ATG10: variants seen among roughly 807,000 people sequenced by gnomAD.
ATG10 encodes the protein ubiquitin-like-conjugating enzyme ATG10.
ATG10 carries 30 observed loss-of-function variants against 32.1 expected under a neutral mutation model. The ratio of observed to expected loss-of-function variants is 0.94; its 90% CI spans 0.70 to 1.27. The LOEUF (loss-of-function observed/expected upper bound fraction) is 1.27, where lower values mean the gene tolerates loss of function less well. Among genes scored for constraint, ATG10 ranks in the 50% most tolerant of loss-of-function variants. The probability of loss-of-function intolerance (pLI) is 0.00; values close to 1 mark genes in which losing one functional copy is unlikely to be tolerated. For missense variants in ATG10, 233 were observed against 262.3 expected (o/e 0.89, Z 0.77); for synonymous variants, 87 against 91.5 (o/e 0.95, Z 0.28).
chr5:82,116,956 C>G (rs1181145599), intron 3 of ATG10, among the ~76,000 whole-genome samples: 1 of 152,048 alleles, frequency 6.6e-6, no homozygotes, highest in Non-Finnish European at 1.5e-5. Context: ...ATCCTGTACC[C>G]AAACTATTCT....
intron 3 of ATG10, among the ~76,000 whole-genome samples, chr5:82,088,610 C>T (rs529563960): frequency 6.6e-6 from 1 of 152,170 alleles, no homozygotes; most frequent in Admixed American, 6.5e-5. Context: ...ATCCTAGTCC[C>T]AGCCCTGGAG....
chr5:82,124,066 T>G (rs945426640), intron 3 of ATG10, among the ~76,000 whole-genome samples: 1 of 150,030 alleles, frequency 6.7e-6, no homozygotes, highest in Non-Finnish European at 1.5e-5. Flanking sequence ...TCCACTTATA[T>G]TCCATGGATT....
chr5:82,203,651 G>A (rs1020202180), intron 5 of ATG10, among the ~76,000 whole-genome samples: 7 of 152,012 alleles, frequency 4.6e-5, no homozygotes, highest in Admixed American at 2.0e-4. Context: ...TAAGCCAGGG[G>A]AGTTTAATCT....
chr5:82,075,173 CAGAA>C (rs1764237049), intron 3 of ATG10, among the ~76,000 whole-genome samples: 1 of 152,122 alleles, frequency 6.6e-6, no homozygotes, highest in Admixed American at 6.6e-5. Context: ...CTCTTCGTTA[CAGAA>C]AGAGAGAGAG....
intron 3 of ATG10, among the ~76,000 whole-genome samples, chr5:82,116,040 AG>A (rs1765800162): frequency 6.6e-6 from 1 of 152,124 alleles, no homozygotes; most frequent in Non-Finnish European, 1.5e-5. Context: ...ATACATTTCA[AG>A]GGCAATTTAG....
At chr5:82,090,610 G>A (rs781350877) in intron 3 of ATG10, among the ~76,000 whole-genome samples, 13 of 152,162 alleles carry the variant, frequency 8.5e-5, no homozygotes, top group African/African-American at 2.4e-4. Flanking sequence ...GTGGGGATAG[G>A]AGGGTGGTGG....
At chr5:82,075,312 A>G (rs1203067882) in intron 3 of ATG10, among the ~76,000 whole-genome samples, 1 of 152,196 alleles carries the variant, frequency 6.6e-6, no homozygotes. Context: ...GTTAGACCAG[A>G]GTGTTTTCAG....
intron 6 of ATG10, 143 bp downstream of exon 6, chr5:82,252,802 G>A: frequency 5.0e-6 from 3 of 597,818 alleles, no homozygotes; most frequent in South Asian, 2.3e-5. Flanking sequence ...TATGCTAGAT[G>A]CTGTTCTAAG....
At chr5:82,169,869 T>C (rs922581062) in intron 4 of ATG10, among the ~76,000 whole-genome samples, 2 of 152,202 alleles carry the variant, frequency 1.3e-5, no homozygotes, top group Non-Finnish European at 2.9e-5. Flanking sequence ...GGAAATCTAG[T>C]GAGAATTATT....
intron 3 of ATG10, chr5:82,073,301 C>CA (rs1764182740): frequency 6.6e-6 from 1 of 152,126 alleles, no homozygotes; most frequent in African/African-American, 2.4e-5. Context: ...GGTCAAGGCC[C>CA]AGCAATTGAT....
Position 82,185,407 on chromosome 5 carries a change from T to G in ATG10, c.453+6820T>G, listed in dbSNP as rs183380062. Among the ~76,000 whole-genome samples, 48 of 152,306 alleles carry G rather than the reference T, an allele frequency of 3.2e-4. 1 individual carries two copies. The East Asian group carries it at 9.1e-3, about 29-fold the overall frequency. On this transcript the variant is annotated intron_variant, in intron 5 of 7. Transcript: ENST00000282185. ...AGAAACTCGTTGATTATTTTCCTCATTTCGTCCTACCATGCAAGTATTTAA... is the reference window on the plus strand; with the variant it reads ...AGAAACTCGTTGATTATTTTCCTCAGTTCGTCCTACCATGCAAGTATTTAA...
At chr5:82,072,673 T>C (rs1469575063) in intron 3 of ATG10, among the ~76,000 whole-genome samples, 2 of 152,204 alleles carry the variant, frequency 1.3e-5, no homozygotes, top group African/African-American at 4.8e-5. Context: ...AAATTTTAAT[T>C]GCCGTTTATC....
At position 82,094,931 on chromosome 5, in the gene ATG10, C is replaced by A. The variant is rs193037759; in HGVS notation, c.216+36329C>A. Among the ~76,000 whole-genome samples the A allele has an allele frequency of 5.3e-3, 798 of 151,494 alleles. 5 individuals are homozygous for A. The highest frequency in any genetic ancestry group is 0.014 in the Middle Eastern group (4 of 294). On this transcript the variant is annotated intron_variant, in intron 3 of 7. Coordinates refer to ENST00000282185, the MANE Select transcript of ATG10 (RefSeq NM_031482.5). The stretch of plus-strand genomic sequence containing the variant: ...GATGATACAGTGGAAAATATACAAA[C>A]ACACGAACACATGCACACATACATA...
chr5:82,093,632 A>G (rs1764961040), intron 3 of ATG10, among the ~76,000 whole-genome samples: 1 of 152,068 alleles, frequency 6.6e-6, no homozygotes, highest in Non-Finnish European at 1.5e-5. Context: ...TTTTATCTTC[A>G]TTATAGCTCA....
At chr5:82,204,825 G>A (rs1745221115) in intron 5 of ATG10, among the ~76,000 whole-genome samples, 1 of 152,198 alleles carries the variant, frequency 6.6e-6, no homozygotes, top group Non-Finnish European at 1.5e-5. Context: ...GAGTATGCAA[G>A]ATATCTGAGT....
intron 4 of ATG10, among the ~76,000 whole-genome samples, chr5:82,169,921 G>T (rs78597424): frequency 0.017 from 2,664 of 152,250 alleles, 32 homozygotes; most frequent in African/African-American, 0.036. Flanking sequence ...GGGGAATTAG[G>T]ATAGAAGTCA....
chr5:82,235,729 A>G (rs1018869532), intron 5 of ATG10, among the ~76,000 whole-genome samples: 2 of 152,182 alleles, frequency 1.3e-5, no homozygotes, highest in African/African-American at 4.8e-5. Flanking sequence ...GGATGTTTTT[A>G]CTGGAACAAA....
At chr5:82,075,010 T>C (rs1764230216) in intron 3 of ATG10, among the ~76,000 whole-genome samples, 2 of 152,206 alleles carry the variant, frequency 1.3e-5, no homozygotes, top group East Asian at 1.9e-4. Flanking sequence ...ATTTTCCTGA[T>C]TGGGAGGAGA....
chr5:82,040,835 C>T (rs1184289623), intron 2 of ATG10, among the ~76,000 whole-genome samples: 4 of 152,194 alleles, frequency 2.6e-5, no homozygotes, highest in Non-Finnish European at 4.4e-5. Context: ...TCATGGCCAA[C>T]AAGTCCCTAG....
Sources: allele counts gnomAD v4.1 joint callset (sites outside exome capture counted in the v4.1 genomes callset), GRCh38; gene constraint gnomAD v4.1.1; transcripts MANE v1.5; gene names NCBI Gene and HGNC (gene_info 2026-07-23, HGNC 2026-07-21).